Variants in LRIG1 observed in about 807,000 individuals in gnomAD.
LRIG1 encodes leucine rich repeats and immunoglobulin like domains 1.
A neutral mutation model predicts 99.2 loss-of-function variants in LRIG1; 48 were observed. That is an observed-to-expected ratio of 0.48 (90% CI 0.38 to 0.62). The LOEUF (loss-of-function observed/expected upper bound fraction) is 0.62. Ranked by LOEUF, LRIG1 falls within the 20% of genes least tolerant of loss-of-function variation. The pLI, the probability that LRIG1 is intolerant of heterozygous loss-of-function variation, is 0.00. For synonymous variants in LRIG1, 772 were observed against 596.1 expected (o/e 1.29, Z -4.30); for missense variants, 1,646 against 1,434.4 (o/e 1.15, Z -2.38).
intron 1 of LRIG1, among the ~76,000 whole-genome samples, chr3:66,480,212 G>T (rs889397643): frequency 6.6e-6 from 1 of 152,018 alleles, no homozygotes; most frequent in South Asian, 2.1e-4. Flanking sequence ...TAAAAGAAAG[G>T]GCCATATATT....
intron 4 of LRIG1, 36 bp downstream of exon 4, chr3:66,417,093 C>G (rs772196616): frequency 1.2e-6 from 2 of 1,606,120 alleles, no homozygotes; most frequent in East Asian, 4.5e-5. Flanking sequence ...CTGGACACAG[C>G]GGGCCAGCCA....
chr3:66,413,425 C>T (rs1702529705), intron 5 of LRIG1, among the ~76,000 whole-genome samples: 1 of 152,222 alleles, frequency 6.6e-6, no homozygotes, highest in South Asian at 2.1e-4. Flanking sequence ...GAAATCCACA[C>T]CACATGCCTC....
At chr3:66,414,300 G>A (rs1702554887) in intron 5 of LRIG1, among the ~76,000 whole-genome samples, 1 of 152,112 alleles carries the variant, frequency 6.6e-6, no homozygotes. Flanking sequence ...TGGAGGCTGA[G>A]GCAGGAGAAT....
intron 11 of LRIG1, among the ~76,000 whole-genome samples, chr3:66,397,612 C>T (rs556381666): frequency 6.6e-6 from 1 of 152,278 alleles, no homozygotes; most frequent in Admixed American, 6.5e-5. Flanking sequence ...GTGAACCGTG[C>T]CCAGAAAGCT....
intron 11 of LRIG1, 94 bp downstream of exon 11, chr3:66,398,018 A>C: frequency 9.8e-7 from 1 of 1,017,000 alleles, no homozygotes; most frequent in Non-Finnish European, 1.5e-6. Flanking sequence ...TACCATGTGA[A>C]CTTTTAACAA....
intron 3 of LRIG1, among the ~76,000 whole-genome samples, chr3:66,448,386 T>C: frequency 6.6e-6 from 1 of 152,122 alleles, no homozygotes; most frequent in East Asian, 1.9e-4. Context: ...AGTCCATAAT[T>C]ATAGGTGTCC....
intron 1 of LRIG1, among the ~76,000 whole-genome samples, chr3:66,465,931 G>GT (rs961915158): frequency 2.0e-4 from 31 of 152,290 alleles, no homozygotes; most frequent in African/African-American, 7.5e-4. Context: ...CTACTCTTAA[G>GT]TACCTCATGT....
chr3:66,384,483 A>T (rs1047235123), intron 13 of LRIG1, among the ~76,000 whole-genome samples: 1 of 152,070 alleles, frequency 6.6e-6, no homozygotes, highest in Non-Finnish European at 1.5e-5. Context: ...TCAGCCTTGC[A>T]TTGTACACCC....
At chr3:66,434,111 G>GT (rs1216060066) in intron 3 of LRIG1, among the ~76,000 whole-genome samples, 25 of 152,220 alleles carry the variant, frequency 1.6e-4, no homozygotes, top group Admixed American at 1.4e-3. Flanking sequence ...AATTAAAAAT[G>GT]TTTGTTCAGT....
chr3:66,404,032 C>T (rs1702167905), intron 9 of LRIG1, among the ~76,000 whole-genome samples: 1 of 152,178 alleles, frequency 6.6e-6, no homozygotes, highest in Admixed American at 6.5e-5. Context: ...GGAAAATCAG[C>T]ATTGTTTTAG....
chr3:66,488,446 G>A (rs1333396986), intron 1 of LRIG1, among the ~76,000 whole-genome samples: 1 of 147,936 alleles, frequency 6.8e-6, no homozygotes, highest in East Asian at 2.0e-4. Context: ...GGCCAACATG[G>A]TAAAACCCTG....
At chr3:66,436,698 A>G (rs1434513032) in intron 3 of LRIG1, among the ~76,000 whole-genome samples, 2 of 152,148 alleles carry the variant, frequency 1.3e-5, no homozygotes, top group South Asian at 2.1e-4. Context: ...TGCCTGTGGT[A>G]GCGAAGTCTA....
intron 1 of LRIG1, among the ~76,000 whole-genome samples, chr3:66,477,145 T>C (rs893461801): frequency 2.0e-5 from 3 of 152,192 alleles, no homozygotes; most frequent in African/African-American, 7.2e-5. Flanking sequence ...AAGTTAATAA[T>C]TCACAAACCA....
intron 1 of LRIG1, among the ~76,000 whole-genome samples, chr3:66,486,153 A>G (rs17044709): frequency 0.027 from 4,139 of 152,238 alleles, 131 homozygotes; most frequent in African/African-American, 0.079. Context: ...AGAAAGGTAC[A>G]CTATTATTGC....
At chr3:66,392,484 G>A (rs1182763380) in intron 12 of LRIG1, among the ~76,000 whole-genome samples, 2 of 152,110 alleles carry the variant, frequency 1.3e-5, no homozygotes, top group Non-Finnish European at 2.9e-5. Flanking sequence ...TGTCCTAGTG[G>A]ATGTGGAGTG....
At position 66,419,695 on chromosome 3, in the gene LRIG1, G is replaced by A. The variant is rs146106152; in HGVS notation, c.366-2429C>T. Reference sequence around the variant, plus strand: ...CACAGTGGGCCAGGAGAGAGATGGCGGCAATACAGAGACAGGCACAAGAGA... The same window carrying A: ...CACAGTGGGCCAGGAGAGAGATGGCAGCAATACAGAGACAGGCACAAGAGA... On this transcript the variant is annotated intron_variant, in intron 3 of 18. Coordinates refer to ENST00000273261, the MANE Select transcript of LRIG1 (RefSeq NM_015541.3). 3.9e-5 allele frequency among the ~76,000 whole-genome samples: 6 copies of A among 152,082 alleles called. No homozygotes were observed. The East Asian group carries it at 5.9e-4, about 15-fold the overall frequency.
chr3:66,473,947 C>T (rs572206016), intron 1 of LRIG1, among the ~76,000 whole-genome samples: 45 of 152,260 alleles, frequency 3.0e-4, no homozygotes, highest in African/African-American at 1.1e-3. Context: ...AGTACTAAGA[C>T]GTCGTGAAAC....
At chr3:66,465,713 GC>G (rs1481714451) in intron 1 of LRIG1, among the ~76,000 whole-genome samples, 2 of 151,988 alleles carry the variant, frequency 1.3e-5, no homozygotes, top group African/African-American at 4.8e-5. Context: ...CATAAAATTT[GC>G]CTTTGTAACC....
intron 3 of LRIG1, among the ~76,000 whole-genome samples, chr3:66,438,175 G>A (rs942285428): frequency 6.6e-6 from 1 of 152,136 alleles, no homozygotes; most frequent in African/African-American, 2.4e-5. Context: ...CCCAGATTTG[G>A]CACCGGACCC....
Sources: allele counts gnomAD v4.1 joint callset (sites outside exome capture counted in the v4.1 genomes callset), GRCh38; gene constraint gnomAD v4.1.1; transcripts MANE v1.5; gene names NCBI Gene and HGNC (gene_info 2026-07-23, HGNC 2026-07-21).